The following RERG variants were observed in gnomAD, a reference collection of about 807,000 sequenced individuals.
RERG encodes the protein RAS like estrogen regulated growth inhibitor.
RERG carries 25 observed loss-of-function variants against 23.2 expected under a neutral mutation model. The ratio of observed to expected loss-of-function variants is 1.08; its 90% confidence interval spans 0.79 to 1.50. The LOEUF (loss-of-function observed/expected upper bound fraction) is 1.50, where lower values mean the gene tolerates loss of function less well. RERG is among the 40% of genes most tolerant of loss of function. RERG has a pLI of 0.00. For missense variants in RERG, 253 were observed against 250.1 expected (o/e 1.01, Z -0.08); for synonymous variants, 81 against 89.1 (o/e 0.91, Z 0.51).
chr12:15,216,053 C>T (rs189408228), intron 2 of RERG, among the ~76,000 whole-genome samples: 1 of 152,330 alleles, frequency 6.6e-6, no homozygotes, highest in Admixed American at 6.5e-5. Context: ...AGACCCTGCA[C>T]TCACAAGGAG....
rs932110257 is a variant in RERG at position 15,141,284 on chromosome 12, T to C, written c.62-20165A>G. 5.3e-5 allele frequency among the ~76,000 whole-genome samples: 8 copies of C among 151,946 alleles called. No homozygotes were observed. The South Asian group carries it at 6.2e-4, about 12-fold the overall frequency. ...TATTCTCCTGCCTCAGCCTCCTGAG[T>C]AGTTGGGACTACAGGTGCCTGCCAC... On this transcript the variant is annotated intron_variant, in intron 2 of 4. Coordinates refer to ENST00000256953, the MANE Select transcript of RERG (RefSeq NM_032918.3).
intron 3 of RERG, among the ~76,000 whole-genome samples, chr12:15,120,784 C>T (rs1232984213): frequency 6.6e-6 from 1 of 152,166 alleles, no homozygotes; most frequent in Non-Finnish European, 1.5e-5. Context: ...AATGATACTG[C>T]ATTTTTCTTA....
intron 1 of RERG, among the ~76,000 whole-genome samples, chr12:15,219,299 A>G (rs1310209507): frequency 6.6e-6 from 1 of 152,252 alleles, no homozygotes; most frequent in African/African-American, 2.4e-5. Flanking sequence ...CTACAAAGAC[A>G]TTATCATGTA....
chr12:15,183,548 T>C (rs1277461373), intron 2 of RERG, among the ~76,000 whole-genome samples: 1 of 152,150 alleles, frequency 6.6e-6, no homozygotes, highest in Non-Finnish European at 1.5e-5. Flanking sequence ...TCGAAGTTTC[T>C]AGTTCAGGTA....
At chr12:15,131,195 T>C (rs1864040547) in intron 2 of RERG, among the ~76,000 whole-genome samples, 1 of 152,204 alleles carries the variant, frequency 6.6e-6, no homozygotes, top group African/African-American at 2.4e-5. Flanking sequence ...ATTTGGAATA[T>C]GGTAATCAAC....
chr12:15,175,660 A>T (rs913956111), intron 2 of RERG, among the ~76,000 whole-genome samples: 5 of 152,078 alleles, frequency 3.3e-5, no homozygotes, highest in Non-Finnish European at 5.9e-5. Flanking sequence ...CATGTTAAGT[A>T]ATTACCACTA....
At chr12:15,216,396 G>A (rs974784360) in intron 2 of RERG, among the ~76,000 whole-genome samples, 3 of 152,216 alleles carry the variant, frequency 2.0e-5, no homozygotes, top group African/African-American at 7.2e-5. Context: ...CAAAGACTTA[G>A]AAGAGGGAAG....
chr12:15,134,667 T>A (rs1293258198), intron 2 of RERG, among the ~76,000 whole-genome samples: 2 of 152,124 alleles, frequency 1.3e-5, no homozygotes, highest in African/African-American at 4.8e-5. Flanking sequence ...CAGGCTGGAG[T>A]GCAGTGGTGT....
At chr12:15,175,365 GT>G (rs1864835606) in intron 2 of RERG, among the ~76,000 whole-genome samples, 2 of 150,064 alleles carry the variant, frequency 1.3e-5, no homozygotes, top group Non-Finnish European at 3.0e-5. Flanking sequence ...GTGTGTGTGT[GT>G]GTGTGTGTGT....
At chr12:15,184,346 T>C (rs1031584053) in intron 2 of RERG, among the ~76,000 whole-genome samples, 3 of 152,190 alleles carry the variant, frequency 2.0e-5, no homozygotes, top group Non-Finnish European at 2.9e-5. Flanking sequence ...CCTTTGTATA[T>C]GAGAGCAGTC....
intron 1 of RERG, chr12:15,218,141 C>T (rs534091861): frequency 8.0e-4 from 122 of 152,360 alleles, no homozygotes; most frequent in African/African-American, 2.8e-3. Context: ...GATACAGATA[C>T]ACATGTTCTA....
At chr12:15,134,728 C>T (rs1864114592) in intron 2 of RERG, among the ~76,000 whole-genome samples, 1 of 152,104 alleles carries the variant, frequency 6.6e-6, no homozygotes, top group Admixed American at 6.5e-5. Flanking sequence ...AATCCTCCTG[C>T]CTCAGCCTCC....
At chr12:15,115,381 A>G (rs920445784) in intron 3 of RERG, among the ~76,000 whole-genome samples, 5 of 152,152 alleles carry the variant, frequency 3.3e-5, no homozygotes, top group Non-Finnish European at 1.5e-5. Flanking sequence ...GTCAGGGAAG[A>G]CCAGCTTTGG....
chr12:15,129,436 C>T (rs559228980), intron 2 of RERG, among the ~76,000 whole-genome samples: 1 of 151,990 alleles, frequency 6.6e-6, no homozygotes, highest in East Asian at 1.9e-4. Context: ...ATTTTGATCT[C>T]CTATCAAATC....
At chr12:15,166,497 T>TGGG (rs1565525962) in intron 2 of RERG, among the ~76,000 whole-genome samples, 20 of 149,364 alleles carry the variant, frequency 1.3e-4, no homozygotes, top group Non-Finnish European at 2.4e-4. Context: ...ATGATGATGA[T>TGGG]GATGGGGATG....
intron 2 of RERG, among the ~76,000 whole-genome samples, chr12:15,171,708 T>C (rs563831339): frequency 2.0e-5 from 3 of 152,282 alleles, no homozygotes; most frequent in South Asian, 4.1e-4. Flanking sequence ...TTCAATAAAA[T>C]TAAAACATTC....
At chr12:15,124,073 G>A (rs1380422156) in intron 2 of RERG, among the ~76,000 whole-genome samples, 3 of 152,002 alleles carry the variant, frequency 2.0e-5, no homozygotes, top group South Asian at 2.1e-4. Flanking sequence ...GATTATTAAT[G>A]AAAATTGGTT....
At chr12:15,177,177 A>G (rs546558763) in intron 2 of RERG, among the ~76,000 whole-genome samples, 1 of 152,196 alleles carries the variant, frequency 6.6e-6, no homozygotes, top group Non-Finnish European at 1.5e-5. Flanking sequence ...TCATGGCTGG[A>G]CGCTGTGGCT....
intron 2 of RERG, among the ~76,000 whole-genome samples, chr12:15,210,310 A>G (rs58039432): frequency 0.083 from 12,679 of 152,286 alleles, 1,592 homozygotes; most frequent in African/African-American, 0.27. Context: ...TTAACTACAG[A>G]AACATTGCAA....
Sources: gnomAD v4.1 joint callset for allele counts (sites outside exome capture counted in the v4.1 genomes callset) on GRCh38, gnomAD v4.1.1 for gene constraint, MANE v1.5 for transcripts, NCBI Gene and HGNC (gene_info 2026-07-23, HGNC 2026-07-21) for gene names.